The following ANKRD44 variants were observed in gnomAD, a reference collection of about 807,000 sequenced individuals.
The protein encoded by ANKRD44 is serine/threonine-protein phosphatase 6 regulatory ankyrin repeat subunit B.
A neutral mutation model predicts 116.0 loss-of-function variants in ANKRD44; 35 were observed. The ratio of observed to expected loss-of-function variants is 0.30; its 90% CI spans 0.23 to 0.40. ANKRD44 has a LOEUF of 0.40. ANKRD44 is among the 10% of genes least tolerant of loss of function. The pLI, the probability that ANKRD44 is intolerant of heterozygous loss-of-function variation, is 1.00. For missense variants in ANKRD44, 1,014 were observed against 1,242.6 expected (o/e 0.82, Z 2.77); for synonymous variants, 435 against 461.8 (o/e 0.94, Z 0.74).
chr2:197,147,158 C>T, intron 2 of ANKRD44, 53 bp from the exon 3 acceptor site: 1 of 1,497,590 alleles, frequency 6.7e-7, no homozygotes, highest in East Asian at 2.3e-5. Context: ...GCTGGAGGTC[C>T]CTTTTGTAGA....
intron 23 of ANKRD44, among the ~76,000 whole-genome samples, chr2:196,999,561 CACTTATTT>C (rs1453560166): frequency 2.0e-3 from 240 of 123,048 alleles, no homozygotes; most frequent in African/African-American, 6.3e-3. Context: ...TGTGTACAGA[CACTTATTT>C]ATTTATTTAT....
intron 21 of ANKRD44, among the ~76,000 whole-genome samples, chr2:197,005,002 T>C (rs902262508): frequency 6.6e-6 from 1 of 152,254 alleles, no homozygotes; most frequent in Non-Finnish European, 1.5e-5. Flanking sequence ...CAAAAAATTA[T>C]AGAATGGCTG....
intron 1 of ANKRD44, among the ~76,000 whole-genome samples, chr2:197,289,263 T>C (rs2083492161): frequency 1.3e-5 from 2 of 152,222 alleles, no homozygotes; most frequent in African/African-American, 2.4e-5. Flanking sequence ...TTTAAAAGAC[T>C]GCTAATTCCA....
chr2:197,287,204 C>T (rs1559221102), intron 1 of ANKRD44, among the ~76,000 whole-genome samples: 1 of 152,068 alleles, frequency 6.6e-6, no homozygotes, highest in Non-Finnish European at 1.5e-5. Flanking sequence ...ATGGAACTCT[C>T]TGTACTTTCT....
intron 16 of ANKRD44, among the ~76,000 whole-genome samples, chr2:197,042,648 C>T (rs576369881): frequency 7.2e-5 from 11 of 152,194 alleles, no homozygotes; most frequent in Non-Finnish European, 1.5e-4. Flanking sequence ...TCCAGAAAGC[C>T]CAGGAATAAC....
intron 1 of ANKRD44, among the ~76,000 whole-genome samples, chr2:197,192,807 T>A (rs2080855711): frequency 6.6e-6 from 1 of 152,184 alleles, no homozygotes; most frequent in African/African-American, 2.4e-5. Context: ...CCCAGAAAGA[T>A]AATGATTATC....
At chr2:197,206,066 C>A (rs1309760252) in intron 1 of ANKRD44, among the ~76,000 whole-genome samples, 1 of 152,128 alleles carries the variant, frequency 6.6e-6, no homozygotes, top group African/African-American at 2.4e-5. Flanking sequence ...TATGCAGATG[C>A]ACATTTTAGT....
intron 1 of ANKRD44, among the ~76,000 whole-genome samples, chr2:197,197,039 C>G (rs1038043350): frequency 1.3e-5 from 2 of 152,078 alleles, no homozygotes; most frequent in South Asian, 4.1e-4. Context: ...AAATTTAAGG[C>G]AGTGGGTTGA....
intron 16 of ANKRD44, among the ~76,000 whole-genome samples, chr2:197,070,443 G>A (rs1461242220): frequency 6.6e-6 from 1 of 152,048 alleles, no homozygotes; most frequent in Non-Finnish European, 1.5e-5. Context: ...TTGCTTGCTT[G>A]TTTTATTGTC....
intron 1 of ANKRD44, among the ~76,000 whole-genome samples, chr2:197,287,487 G>A (rs553153499): frequency 9.9e-5 from 15 of 152,142 alleles, no homozygotes; most frequent in Non-Finnish European, 1.9e-4. Flanking sequence ...AGCAAGAGAG[G>A]AACAAGCAAC....
intron 1 of ANKRD44, among the ~76,000 whole-genome samples, chr2:197,229,864 C>A (rs575208103): frequency 6.6e-6 from 1 of 152,074 alleles, no homozygotes; most frequent in Non-Finnish European, 1.5e-5. Flanking sequence ...GGTCCAACAT[C>A]GATGCAGAAT....
intron 1 of ANKRD44, among the ~76,000 whole-genome samples, chr2:197,278,438 C>T (rs1283846283): frequency 1.3e-5 from 2 of 151,160 alleles, no homozygotes; most frequent in South Asian, 4.2e-4. Context: ...CTCACTGCAA[C>T]CTCCACCTCC....
At chr2:197,184,217 G>A (rs78557752) in intron 2 of ANKRD44, among the ~76,000 whole-genome samples, 3,248 of 152,270 alleles carry the variant, frequency 0.021, 113 homozygotes, top group African/African-American at 0.069. Flanking sequence ...AATCCATGCC[G>A]TCTCTTTGGG....
At chr2:197,224,560 T>G (rs1183201902) in intron 1 of ANKRD44, among the ~76,000 whole-genome samples, 2 of 152,210 alleles carry the variant, frequency 1.3e-5, no homozygotes, top group East Asian at 3.8e-4. Context: ...TTTTTTCCCC[T>G]TTTTGTATAT....
chr2:197,189,497 C>A (rs574380690), intron 1 of ANKRD44, among the ~76,000 whole-genome samples: 1 of 152,190 alleles, frequency 6.6e-6, no homozygotes, highest in Non-Finnish European at 1.5e-5. Context: ...AGTCTCCGTT[C>A]GGGTTACATC....
rs2076119613 is a variant in ANKRD44, at chr2:197,001,753, A to G, written c.2435T>C (p.Ile812Thr). 6.2e-7 allele frequency: 1 copy of G among 1,607,920 alleles called. No individual in the cohort carries two copies. The highest frequency in any genetic ancestry group is 1.7e-4 in the Middle Eastern group (1 of 6,048). ...GNPFTPLHCA[I>T]INDHGNCASL... ...ATTAACTCTCAGCGTTTCTACTTAC[A>G]TTGCACAGTGCAGTGGAGTAAAGGG... Residue 812 changes from isoleucine (I) to threonine (T), a missense_variant and splice_region_variant, in exon 22 of 28, where the codon ATA becomes ACA. Physicochemically the swap from Ile to Thr is moderately conservative, Grantham distance 89. Coordinates refer to ENST00000282272, the MANE Select transcript of ANKRD44 (RefSeq NM_001195144.2).
At chr2:197,275,998 G>A (rs368483251) in intron 1 of ANKRD44, among the ~76,000 whole-genome samples, 117 of 152,164 alleles carry the variant, frequency 7.7e-4, no homozygotes, top group African/African-American at 2.5e-3. Context: ...TTTACTAGCC[G>A]GGCGCAGTGG....
chr2:197,284,960 A>C (rs1397233041), intron 1 of ANKRD44, among the ~76,000 whole-genome samples: 1 of 151,752 alleles, frequency 6.6e-6, no homozygotes, highest in Non-Finnish European at 1.5e-5. Context: ...TTACAATAGA[A>C]ATATATCTTC....
chr2:197,108,417 C>T (rs2078485437), intron 9 of ANKRD44, among the ~76,000 whole-genome samples: 1 of 152,134 alleles, frequency 6.6e-6, no homozygotes, highest in Admixed American at 6.5e-5. Flanking sequence ...TCAATTCAGG[C>T]CCCTGGACCC....
Sources: gnomAD v4.1 joint callset for allele counts (sites outside exome capture counted in the v4.1 genomes callset) on GRCh38, gnomAD v4.1.1 for gene constraint, MANE v1.5 for transcripts, NCBI Gene and HGNC (gene_info 2026-07-23, HGNC 2026-07-21) for gene names.